Variants in CMIP observed in about 807,000 individuals in gnomAD.
CMIP encodes the protein C-Maf-inducing protein.
CMIP carries 13 observed loss-of-function variants against 97.3 expected under a neutral mutation model. The observed-to-expected ratio is 0.13, with a 90% CI of 0.09 to 0.21. The LOEUF (loss-of-function observed/expected upper bound fraction) is 0.21. CMIP is among the 10% of genes least tolerant of loss of function. CMIP has a pLI of 1.00. For missense variants in CMIP, 847 were observed against 1,024.9 expected (o/e 0.83, Z 2.37); for synonymous variants, 538 against 436.3 (o/e 1.23, Z -2.91).
At chr16:81,523,126 C>A (rs530913643) in intron 1 of CMIP, among the ~76,000 whole-genome samples, 6 of 152,264 alleles carry the variant, frequency 3.9e-5, no homozygotes, top group African/African-American at 7.2e-5. Flanking sequence ...CGCTATGTTG[C>A]CCAGACTGGC....
intron 3 of CMIP, among the ~76,000 whole-genome samples, chr16:81,650,690 C>A (rs1459986962): frequency 6.6e-6 from 1 of 152,154 alleles, no homozygotes. Context: ...CTTTTTGTGA[C>A]TCTTGGCTGA....
chr16:81,512,636 G>GTT (rs202123265), intron 1 of CMIP, among the ~76,000 whole-genome samples: 29 of 150,868 alleles, frequency 1.9e-4, no homozygotes, highest in African/African-American at 6.3e-4. Flanking sequence ...TCTTCCAAAG[G>GTT]TTTTTTTTTA....
At chr16:81,500,272 G>GTCCTTCCTTCCTTCCGTCCTTCCTTCCT (rs1555523514) in intron 1 of CMIP, among the ~76,000 whole-genome samples, 7 of 64,832 alleles carry the variant, frequency 1.1e-4, no homozygotes, top group African/African-American at 4.2e-4. Context: ...CCTTCCTTCC[G>GTCCTTCCTTCCTTCCGTCCTTCCTTCCT]TCCTTCCTTC....
intron 8 of CMIP, among the ~76,000 whole-genome samples, chr16:81,671,352 T>A (rs1011300919): frequency 6.6e-6 from 1 of 152,188 alleles, no homozygotes; most frequent in Non-Finnish European, 1.5e-5. Context: ...TTCCCAGAAA[T>A]GGTACAGGTG....
intron 13 of CMIP, 67 bp downstream of exon 13, chr16:81,693,554 A>G: frequency 6.5e-7 from 1 of 1,529,638 alleles, no homozygotes; most frequent in South Asian, 1.2e-5. Context: ...AGGGCCCCTT[A>G]GAGGCCTTCT....
At chr16:81,600,231 G>A (rs535601999) in intron 1 of CMIP, among the ~76,000 whole-genome samples, 3 of 136,080 alleles carry the variant, frequency 2.2e-5, no homozygotes, top group East Asian at 4.7e-4. Context: ...AGCCAAGATC[G>A]CACCACTGCA....
chr16:81,699,791 C>G lies in CMIP; in HGVS notation c.1745C>G (p.Thr582Ser), dbSNP rs775296670. 25 of 1,610,548 alleles carry G rather than the reference C, an allele frequency of 1.6e-5. No homozygotes were observed. Among genetic ancestry groups the G allele is most frequent in the Non-Finnish European group, 1.8e-5 (21 of 1,177,270 alleles). Reference protein sequence around the residue: ...CMLLALRGNQTMVEILCLMLE... With the variant: ...CMLLALRGNQSMVEILCLMLE... ...CTCCTGGCACTGAGGGGGAACCAGA[C>G]CATGGTGGAGGTAAGGAGCTGGTCG... The change falls in exon 15 of 21, where the codon ACC becomes AGC. Residue 582 changes from threonine (T) to serine (S), a missense_variant. Physicochemically the swap from Thr to Ser is moderately conservative, Grantham distance 58. Transcript: ENST00000537098.
intron 7 of CMIP, chr16:81,665,883 A>G (rs546012586): frequency 1.3e-5 from 2 of 152,314 alleles, no homozygotes; most frequent in South Asian, 4.1e-4. Context: ...GGCCACCACT[A>G]CCAACTGAAA....
At chr16:81,612,980 C>T (rs2091856327) in intron 2 of CMIP, among the ~76,000 whole-genome samples, 1 of 152,204 alleles carries the variant, frequency 6.6e-6, no homozygotes, top group African/African-American at 2.4e-5. Flanking sequence ...AGAAGCGTGA[C>T]CCTTCCCCCA....
At chr16:81,620,752 G>T in intron 2 of CMIP, 124 bp from the exon 3 acceptor site, 1 of 1,122,914 alleles carries the variant, frequency 8.9e-7, no homozygotes. Flanking sequence ...CAGCAGGCTT[G>T]TTAGGGTCAC....
chr16:81,671,925 C>G (rs555892804), intron 8 of CMIP, 41 bp from the exon 9 acceptor site: 2 of 1,148,276 alleles, frequency 1.7e-6, no homozygotes, highest in Non-Finnish European at 2.6e-6. Flanking sequence ...ATGGGCCCCA[C>G]TCCTGCAGGC....
At chr16:81,598,329 T>C (rs2091598747) in intron 1 of CMIP, among the ~76,000 whole-genome samples, 1 of 152,164 alleles carries the variant, frequency 6.6e-6, no homozygotes, top group East Asian at 1.9e-4. Context: ...CATCTGGCTC[T>C]TTACAGTCAA....
chr16:81,611,926 G>A (rs897319733), intron 2 of CMIP, among the ~76,000 whole-genome samples: 2 of 152,186 alleles, frequency 1.3e-5, no homozygotes, highest in Admixed American at 6.5e-5. Context: ...AGACAGAGGC[G>A]CCCAGCCTTC....
At chr16:81,653,402 G>C (rs2092450411) in intron 4 of CMIP, among the ~76,000 whole-genome samples, 1 of 152,272 alleles carries the variant, frequency 6.6e-6, no homozygotes, top group Admixed American at 6.5e-5. Context: ...CTCACTCCAG[G>C]AGGAGGCGAG....
chr16:81,451,449 C>G (rs146158526), intron 1 of CMIP, among the ~76,000 whole-genome samples: 10 of 152,274 alleles, frequency 6.6e-5, no homozygotes, highest in Non-Finnish European at 1.5e-4. Context: ...TTATCAGCAG[C>G]GTGGGAACGG....
intron 18 of CMIP, 46 bp from the exon 19 acceptor site, chr16:81,705,453 C>T (rs1908024269): frequency 5.8e-6 from 8 of 1,382,538 alleles, no homozygotes; most frequent in African/African-American, 1.4e-5. Context: ...AGAGTCACTT[C>T]CCCAGGAGTG....
chr16:81,626,213 G>A (rs1413015024), intron 3 of CMIP, among the ~76,000 whole-genome samples: 1 of 152,300 alleles, frequency 6.6e-6, no homozygotes, highest in East Asian at 1.9e-4. Flanking sequence ...GTGAGTGTGT[G>A]TGCGCGTGAG....
intron 1 of CMIP, among the ~76,000 whole-genome samples, chr16:81,594,706 C>T (rs892121533): frequency 6.6e-6 from 1 of 151,736 alleles, no homozygotes. Context: ...CTCTGCCTCC[C>T]GGGTTCATGC....
At chr16:81,475,161 CTCCT>C (rs1907821972) in intron 1 of CMIP, among the ~76,000 whole-genome samples, 1 of 152,156 alleles carries the variant, frequency 6.6e-6, no homozygotes, top group Admixed American at 6.5e-5. Context: ...CCCTCCCTCC[CTCCT>C]GTCTCTTTCT....
Sources: gnomAD v4.1 joint callset for allele counts (sites outside exome capture counted in the v4.1 genomes callset) on GRCh38, gnomAD v4.1.1 for gene constraint, MANE v1.5 for transcripts, NCBI Gene and HGNC (gene_info 2026-07-23, HGNC 2026-07-21) for gene names.